The following ADRA2A variants were observed in gnomAD, a reference collection of about 807,000 sequenced individuals.
ADRA2A encodes the protein adrenoceptor alpha 2A.
In ADRA2A, 6 loss-of-function variants were observed where a neutral mutation model predicts 5.9. The observed-to-expected ratio is 1.01, with a 90% CI of 0.55 to 2.00. The LOEUF is 2.00. Ranked by LOEUF, ADRA2A falls within the 30% of genes most tolerant of loss-of-function variation. The probability of loss-of-function intolerance (pLI) is 0.00; values close to 1 mark genes in which losing one functional copy is unlikely to be tolerated. For missense variants in ADRA2A, 647 were observed against 690.0 expected (o/e 0.94, Z 0.70); for synonymous variants, 345 against 325.9 (o/e 1.06, Z -0.63).
chr10:111,078,802 G>A lies in ADRA2A; in HGVS notation c.806G>A (p.Gly269Asp), dbSNP rs1365069112. The change falls in exon 1 of 1, where the codon GGC becomes GAC. Residue 269 changes from glycine (G) to aspartate (D), a missense_variant. Gly to Asp is a moderately conservative substitution (Grantham distance 94). Transcript: ENST00000280155. ...ACCGAGCGCAGGCCCAACGGTCTGG[G>A]CCCCGAGCGCAGCGCGGGCCCGGGG... ...GGTERRPNGL[G>D]PERSAGPGGA... 6.3e-6 allele frequency: 8 copies of A among 1,264,308 alleles called. No individual in the cohort carries two copies. In the East Asian group the frequency reaches 1.0e-4, roughly 16 times the overall value. 78.3% of individuals were successfully genotyped at this position (1,264,308 alleles called of 1,614,324 possible).
At position 111,078,900 on chromosome 10, in the gene ADRA2A, G is replaced by T; in HGVS notation, c.904G>T (p.Asp302Tyr). ...CGAGCCCGCGCCGGCCGGGCCGCGC[G>T]ACACCGACGCGCTGGACCTGGAGGA... ...PGEPAPAGPR[D>Y]TDALDLEESS... is the part of the protein sequence containing the mutation. The change falls in exon 1 of 1, where the codon GAC becomes TAC. Residue 302 changes from aspartate to tyrosine, a missense_variant. Physicochemically the swap from Asp to Tyr is radical, Grantham distance 160. Transcript: ENST00000280155. 1 of 1,210,578 alleles carries T rather than the reference G, an allele frequency of 8.3e-7. No homozygotes were observed. The highest frequency in any genetic ancestry group is 3.4e-5 in the South Asian group (1 of 29,406). 75.0% of individuals were successfully genotyped at this position (1,210,578 alleles called of 1,614,324 possible).
At position 111,079,424 on chromosome 10, in the gene ADRA2A, G is replaced by T. The variant is rs926757757; in HGVS notation, c.*30G>T. 6.2e-6 allele frequency: 10 copies of T among 1,608,576 alleles called. No individual in the cohort carries two copies. In the African/African-American group the frequency reaches 6.7e-5, roughly 11 times the overall value. ...TCCGCTGGCGCCCGCGTAGACTCAC[G>T]CTGACTGCAGGCAGCGGGGGGCATC... is the stretch of plus-strand genomic sequence containing the variant. On this transcript the variant is annotated 3_prime_UTR_variant, in exon 1 of 1. Transcript: ENST00000280155.
In ADRA2A at chr10:111,079,014, C is replaced by G. The variant is rs1012164206; in HGVS notation, c.1018C>G (p.Gln340Glu). Reference sequence around the variant, plus strand: ...GGGCAAAGGCAAGGCCCGAGCGAGCCAGGTGAAGCCGGGCGACAGCCTGCC... The same window carrying G: ...GGGCAAAGGCAAGGCCCGAGCGAGCGAGGTGAAGCCGGGCGACAGCCTGCC... ...PRGKGKARAS[Q>E]VKPGDSLPRR... Residue 340 changes from glutamine to glutamate, a missense_variant, in exon 1 of 1, where the codon CAG (glutamine) becomes GAG (glutamate). This residue lies in a region of ADRA2A where 577 missense variants were observed against 605.4 expected (regional missense o/e 0.95). Transcript: ENST00000280155. 1.4e-5 allele frequency: 17 copies of G among 1,254,988 alleles called. No homozygotes were observed. The highest frequency in any genetic ancestry group is 1.7e-5 in the Non-Finnish European group (17 of 1,004,396). The allele number at this position is 1,254,988 out of a possible 1,614,324, so 77.7% of individuals were successfully genotyped here. A position where few individuals can be genotyped will look rare whatever the true frequency, so the allele number is the denominator to read the frequency against.
At position 111,079,510 on chromosome 10, in the gene ADRA2A, G is replaced by C; in HGVS notation, c.*116G>C. 1.7e-6 allele frequency: 2 copies of C among 1,185,174 alleles called. No homozygotes were observed. The highest frequency in any genetic ancestry group is 2.1e-5 in the Admixed American group (1 of 46,964). 73.4% of individuals were successfully genotyped at this position (1,185,174 alleles called of 1,614,324 possible). A position where few individuals can be genotyped will look rare whatever the true frequency, so the allele number is the denominator to read the frequency against. ...GGCGCTGCCTGCTCTGCGTTTCCTC[G>C]TCTGGGGTGGCTCTGCAGCCTCCTG... is the stretch of plus-strand genomic sequence containing the variant. On this transcript the variant is annotated 3_prime_UTR_variant, in exon 1 of 1. Transcript: ENST00000280155.
chr10:111,079,104 G>A lies in ADRA2A; in HGVS notation c.1108G>A (p.Gly370Arg). The A allele has an allele frequency of 6.4e-7, 1 of 1,561,660 alleles. No individual in the cohort carries two copies. The highest frequency in any genetic ancestry group is 8.7e-7 in the Non-Finnish European group (1 of 1,155,968). Residue 370 changes from glycine to arginine, a missense_variant, in exon 1 of 1, where the codon GGG (glycine) becomes AGG (arginine). Gly to Arg is a moderately radical substitution (Grantham distance 125). This residue lies in a region of ADRA2A where 577 missense variants were observed against 605.4 expected (regional missense o/e 0.95). Coordinates refer to ENST00000280155, the MANE Select transcript of ADRA2A (RefSeq NM_000681.4). ...TGCAGGGCCGGGGGAGGAGCGCGTC[G>A]GGGCTGCCAAGGCGTCGCGCTGGCG... ...PAAGPGEERV[G>R]AAKASRWRGR...
rs1369982880 is a variant in ADRA2A, at chr10:111,078,945, G to A, written c.949G>A (p.Ala317Thr). The A allele has an allele frequency of 1.6e-6, 2 of 1,236,488 alleles. No homozygotes were observed. The allele number at this position is 1,236,488 out of a possible 1,614,324, so 76.6% of individuals were successfully genotyped here. ...DLEESSSSDHAERPPGPRRPE... is the reference protein window; with the variant it reads ...DLEESSSSDHTERPPGPRRPE... ...GGAGGAGAGCTCGTCTTCCGACCACGCCGAGCGGCCTCCAGGGCCCCGCAG... is the reference window on the plus strand; with the variant it reads ...GGAGGAGAGCTCGTCTTCCGACCACACCGAGCGGCCTCCAGGGCCCCGCAG... The change falls in exon 1 of 1, where the codon GCC (alanine) becomes ACC (threonine). Residue 317 changes from alanine (A) to threonine (T), a missense_variant. Around this residue, in one of 3 missense-constraint regions of ADRA2A, gnomAD observed 577 missense variants for 605.4 expected, o/e 0.95. Transcript: ENST00000280155.
Position 111,078,308 on chromosome 10 carries a change from C to T in ADRA2A, c.312C>T (p.Phe104=). 1.2e-6 allele frequency: 2 copies of T among 1,614,092 alleles called. No homozygotes were observed. The highest frequency in any genetic ancestry group is 1.6e-4 in the Middle Eastern group (1 of 6,062). ...DILVATLVIP[F]SLANEVMGYW... is the part of the protein sequence containing the mutation. ...TGGTGGCCACGCTCGTCATCCCTTT[C>T]TCGCTGGCCAACGAGGTCATGGGCT... The change falls in exon 1 of 1, where the codon TTC becomes TTT. Residue 104 remains phenylalanine, a synonymous_variant. Transcript: ENST00000280155.
At position 111,079,071 on chromosome 10, in the gene ADRA2A, A is replaced by T. The variant is rs1461141189; in HGVS notation, c.1075A>T (p.Thr359Ser). ...RRGPGATGIG[T>S]PAAGPGEERV... ...CGGGCCGGGGGCGACGGGGATCGGG[A>T]CGCCGGCTGCAGGGCCGGGGGAGGA... is the stretch of plus-strand genomic sequence containing the variant. The change falls in exon 1 of 1, where the codon ACG becomes TCG. Residue 359 changes from threonine to serine, a missense_variant. Around this residue, in one of 3 missense-constraint regions of ADRA2A, gnomAD observed 577 missense variants for 605.4 expected, o/e 0.95. Coordinates refer to ENST00000280155, the MANE Select transcript of ADRA2A (RefSeq NM_000681.4). 1 of 1,374,326 alleles carries T rather than the reference A, an allele frequency of 7.3e-7. No homozygotes were observed. The highest frequency in any genetic ancestry group is 3.4e-5 in the Admixed American group (1 of 29,600). The allele number at this position is 1,374,326 out of a possible 1,614,324, so 85.1% of individuals were successfully genotyped here.
At position 111,078,564 on chromosome 10, in the gene ADRA2A, A is replaced by G; in HGVS notation, c.568A>G (p.Lys190Glu). ...CCCGCCGCTCATCTCCATCGAGAAG[A>G]AGGGCGGCGGCGGCGGCCCGCAGCC... is the stretch of plus-strand genomic sequence containing the variant. ...SFPPLISIEK[K>E]GGGGGPQPAE... The change falls in exon 1 of 1, where the codon AAG becomes GAG. Residue 190 changes from lysine (K) to glutamate (E), a missense_variant. Physicochemically the swap from Lys to Glu is moderately conservative, Grantham distance 56. Coordinates refer to ENST00000280155, the MANE Select transcript of ADRA2A (RefSeq NM_000681.4). The G allele has an allele frequency of 6.2e-7, 1 of 1,606,114 alleles. No individual in the cohort carries two copies. The highest frequency in any genetic ancestry group is 1.1e-5 in the South Asian group (1 of 90,526).
chr10:111,077,788 A>G lies in ADRA2A; in HGVS notation c.-209A>G. ...GCTCGGAGCAAGAAGGCGCCCACCG[A>G]GAGCGTCTGAAGCGCGAGCCAGGCG... On this transcript the variant is annotated 5_prime_UTR_variant, in exon 1 of 1. Coordinates refer to ENST00000280155, the MANE Select transcript of ADRA2A (RefSeq NM_000681.4). The G allele has an allele frequency of 1.7e-6, 1 of 601,964 alleles. No homozygotes were observed. Among genetic ancestry groups the G allele is most frequent in the Non-Finnish European group, 2.4e-6 (1 of 415,436 alleles). The allele number at this position is 601,964 out of a possible 1,614,324, so 37.3% of individuals were successfully genotyped here. A position where few individuals can be genotyped will look rare whatever the true frequency, so the allele number is the denominator to read the frequency against.
rs1843566376 is a variant in ADRA2A at position 111,078,876 on chromosome 10, G to A, written c.880G>A (p.Glu294Lys). The change falls in exon 1 of 1, where the codon GAG (glutamate) becomes AAG (lysine). Residue 294 changes from glutamate (E) to lysine (K), a missense_variant. By Grantham distance (56) the Glu-to-Lys change is moderately conservative (BLOSUM62 1). Transcript: ENST00000280155. ...LPTQLNGAPG[E>K]PAPAGPRDTD... The stretch of plus-strand genomic sequence containing the variant: ...CACCCAGCTCAACGGCGCCCCTGGC[G>A]AGCCCGCGCCGGCCGGGCCGCGCGA... The A allele has an allele frequency of 1.7e-6, 2 of 1,202,144 alleles. No individual in the cohort carries two copies. Among genetic ancestry groups the A allele is most frequent in the African/African-American group, 1.6e-5 (1 of 62,022 alleles). The allele number at this position is 1,202,144 out of a possible 1,614,324, so 74.5% of individuals were successfully genotyped here.
chr10:111,079,334 C>G lies in ADRA2A; in HGVS notation c.1338C>G (p.His446Gln), dbSNP rs1407490897. Residue 446 changes from histidine (H) to glutamine (Q), a missense_variant, in exon 1 of 1, where the codon CAC becomes CAG. Physicochemically the swap from His to Gln is conservative, Grantham distance 24. This residue lies in a region of ADRA2A where 62 missense variants were observed against 59.8 expected (regional missense o/e 1.04). Coordinates refer to ENST00000280155, the MANE Select transcript of ADRA2A (RefSeq NM_000681.4). ...LNPVIYTIFN[H>Q]DFRRAFKKIL... The stretch of plus-strand genomic sequence containing the variant: ...CGGTCATCTACACCATCTTCAACCA[C>G]GATTTCCGCCGCGCCTTCAAGAAGA... 1 of 1,614,130 alleles carries G rather than the reference C, an allele frequency of 6.2e-7. No homozygotes were observed. The highest frequency in any genetic ancestry group is 1.1e-5 in the South Asian group (1 of 91,090).
Position 111,079,411 on chromosome 10 carries a change from C to T in ADRA2A, c.*17C>T, listed in dbSNP as rs746887236. The T allele has an allele frequency of 2.4e-5, 39 of 1,612,366 alleles. No homozygotes were observed. In the African/African-American group the frequency reaches 5.1e-4, roughly 21 times the overall value. On this transcript the variant is annotated 3_prime_UTR_variant, in exon 1 of 1. Coordinates refer to ENST00000280155, the MANE Select transcript of ADRA2A (RefSeq NM_000681.4). The stretch of plus-strand genomic sequence containing the variant: ...ATCGTGTGAGGTTTCCGCTGGCGCC[C>T]GCGTAGACTCACGCTGACTGCAGGC...
Position 111,079,471 on chromosome 10 carries a change from C to A in ADRA2A, c.*77C>A. The A allele has an allele frequency of 6.7e-7, 1 of 1,498,722 alleles. No individual in the cohort carries two copies. The highest frequency in any genetic ancestry group is 9.2e-7 in the Non-Finnish European group (1 of 1,090,558). 92.8% of individuals were successfully genotyped at this position (1,498,722 alleles called of 1,614,324 possible). On this transcript the variant is annotated 3_prime_UTR_variant, in exon 1 of 1. Transcript: ENST00000280155. ...CATCGAGGGGTGCTTAGCCCCAGGG[C>A]ACTCAGAAACCCGGGCGCTGCCTGC...
Position 111,078,608 on chromosome 10 carries a change from G to A in ADRA2A, c.612G>A (p.Glu204=), listed in dbSNP as rs1486653124. The change falls in exon 1 of 1, where the codon GAG becomes GAA. Residue 204 remains glutamate, a synonymous_variant. Transcript: ENST00000280155. ...CGCAGCCGGCCGAGCCGCGCTGCGA[G>A]ATCAACGACCAGAAGTGGTACGTCA... ...GGPQPAEPRC[E]INDQKWYVIS... is the part of the protein sequence containing the mutation. 1 of 1,599,198 alleles carries A rather than the reference G, an allele frequency of 6.3e-7. No homozygotes were observed. Among genetic ancestry groups the A allele is most frequent in the East Asian group, 2.3e-5 (1 of 44,048 alleles).
rs780932512 is a variant in ADRA2A at position 111,078,272 on chromosome 10, G to C, written c.276G>C (p.Ser92=). ...ACCTCTTCCTGGTGTCTCTGGCCTC[G>C]GCCGACATCCTGGTGGCCACGCTCG... is the stretch of plus-strand genomic sequence containing the variant. ...PQNLFLVSLA[S]ADILVATLVI... is the part of the protein sequence containing the mutation. The change falls in exon 1 of 1, where the codon TCG becomes TCC. Residue 92 remains serine, a synonymous_variant. Transcript: ENST00000280155. The C allele has an allele frequency of 2.5e-6, 4 of 1,613,756 alleles. No individual in the cohort carries two copies. The highest frequency in any genetic ancestry group is 3.4e-6 in the Non-Finnish European group (4 of 1,179,996).
rs992935991 is a variant in ADRA2A at position 111,080,850 on chromosome 10, C to T, written c.*1456C>T. The T allele has an allele frequency of 6.0e-6, 1 of 166,564 alleles. No individual in the cohort carries two copies. Among genetic ancestry groups the T allele is most frequent in the Admixed American group, 6.5e-5 (1 of 15,278 alleles). The allele number at this position is 166,564 out of a possible 1,614,324, so 10.3% of individuals were successfully genotyped here. A position where few individuals can be genotyped will look rare whatever the true frequency, so the allele number is the denominator to read the frequency against. ...ATCTGAGTTTTCAAAAGCTTTAAGA[C>T]TCTGGGAACATCTGATTTTATGGAT... On this transcript the variant is annotated 3_prime_UTR_variant, in exon 1 of 1. Transcript: ENST00000280155.
In ADRA2A at chr10:111,079,263, T is replaced by C; in HGVS notation, c.1267T>C (p.Phe423Leu). The C allele has an allele frequency of 6.2e-7, 1 of 1,614,164 alleles. No individual in the cohort carries two copies. The highest frequency in any genetic ancestry group is 1.1e-5 in the South Asian group (1 of 91,088). Reference sequence around the variant, plus strand: ...CGGGTGCTCCGTGCCACGCACGCTCTTCAAATTCTTCTTCTGGTTCGGCTA... The same window carrying C: ...CGGGTGCTCCGTGCCACGCACGCTCCTCAAATTCTTCTTCTGGTTCGGCTA... ...AVGCSVPRTL[F>L]KFFFWFGYCN... Residue 423 changes from phenylalanine to leucine, a missense_variant, in exon 1 of 1, where the codon TTC becomes CTC. Around this residue, in one of 3 missense-constraint regions of ADRA2A, gnomAD observed 62 missense variants for 59.8 expected, o/e 1.04. Coordinates refer to ENST00000280155, the MANE Select transcript of ADRA2A (RefSeq NM_000681.4).
At position 111,077,142 on chromosome 10, in the gene ADRA2A, C is replaced by G. The variant is rs1430311605; in HGVS notation, c.-855C>G. The G allele has an allele frequency of 6.6e-6, 1 of 152,574 alleles. No individual in the cohort carries two copies. The highest frequency in any genetic ancestry group is 1.5e-5 in the Non-Finnish European group (1 of 68,368). The allele number at this position is 152,574 out of a possible 1,614,324, so 9.5% of individuals were successfully genotyped here. A position where few individuals can be genotyped will look rare whatever the true frequency, so the allele number is the denominator to read the frequency against. ...CTCCTGCCCCAACTCGCGCTGTCGT[C>G]GGACCCCGGCCCATCCAGCAGCGCT... On this transcript the variant is annotated 5_prime_UTR_variant, in exon 1 of 1. Coordinates refer to ENST00000280155, the MANE Select transcript of ADRA2A (RefSeq NM_000681.4).
Sources: allele counts gnomAD v4.1 joint callset, GRCh38; gene constraint gnomAD v4.1.1; regional missense constraint gnomAD v4.1.1; transcripts MANE v1.5; gene names NCBI Gene and HGNC (gene_info 2026-07-23, HGNC 2026-07-21).